MAGI2: variants seen among roughly 807,000 people sequenced by gnomAD.
MAGI2 encodes membrane-associated guanylate kinase, WW and PDZ domain-containing protein 2.
In MAGI2, 35 loss-of-function variants were observed where a neutral mutation model predicts 133.3. That is an observed-to-expected ratio of 0.26 (90% CI 0.20 to 0.35). The LOEUF is 0.35. Ranked by LOEUF, MAGI2 falls within the 10% of genes least tolerant of loss-of-function variation. The pLI, the probability that MAGI2 is intolerant of heterozygous loss-of-function variation, is 1.00. For synonymous variants in MAGI2, 729 were observed against 710.6 expected (o/e 1.03, Z -0.41); for missense variants, 1,636 against 1,863.4 (o/e 0.88, Z 2.25).
intron 2 of MAGI2, among the ~76,000 whole-genome samples, chr7:78,944,900 C>G (rs1358207759): frequency 6.6e-6 from 1 of 151,852 alleles, no homozygotes; most frequent in Non-Finnish European, 1.5e-5. Context: ...CTATGCCCAA[C>G]TAATTTCTGT....
intron 2 of MAGI2, among the ~76,000 whole-genome samples, chr7:78,681,297 C>A (rs1441858542): frequency 6.6e-6 from 1 of 152,036 alleles, no homozygotes; most frequent in African/African-American, 2.4e-5. Context: ...AGGGAAAAGT[C>A]AATACTTTTC....
chr7:79,453,093 C>T lies in MAGI2; in HGVS notation c.228G>A (p.Gly76=), dbSNP rs758794152. Residue 76 remains glycine (G), a synonymous_variant, in exon 1 of 22, where the codon GGG becomes GGA. Transcript: ENST00000354212. ...LLEVNETPVA[G]LTIRDVLAVI... Reference sequence around the variant, plus strand: ...CGGCCAGCACGTCCCTGATGGTGAGCCCCGCCACGGGGGTCTCGTTCACCT... The same window carrying T: ...CGGCCAGCACGTCCCTGATGGTGAGTCCCGCCACGGGGGTCTCGTTCACCT... 1 of 1,613,652 alleles carries T rather than the reference C, an allele frequency of 6.2e-7. No individual in the cohort carries two copies. Among genetic ancestry groups the T allele is most frequent in the South Asian group, 1.1e-5 (1 of 90,986 alleles).
intron 16 of MAGI2, among the ~76,000 whole-genome samples, chr7:78,135,983 G>C (rs1436897785): frequency 6.6e-6 from 1 of 152,064 alleles, no homozygotes; most frequent in Non-Finnish European, 1.5e-5. Context: ...AAGAAACACT[G>C]CTAACTAAAT....
At chr7:78,112,717 G>A (rs1819475714) in intron 20 of MAGI2, among the ~76,000 whole-genome samples, 1 of 152,170 alleles carries the variant, frequency 6.6e-6, no homozygotes, top group Non-Finnish European at 1.5e-5. Context: ...AGTGCCCCAG[G>A]TACACAGCCC....
chr7:78,279,070 A>G (rs1795311710), intron 9 of MAGI2, among the ~76,000 whole-genome samples: 1 of 152,184 alleles, frequency 6.6e-6, no homozygotes, highest in Non-Finnish European at 1.5e-5. Flanking sequence ...GGATTTTAAC[A>G]TATCAGAACT....
chr7:78,455,873 C>G (rs1192493079), intron 6 of MAGI2, among the ~76,000 whole-genome samples: 1 of 152,028 alleles, frequency 6.6e-6, no homozygotes, highest in Non-Finnish European at 1.5e-5. Flanking sequence ...AAAAGCTACC[C>G]ACATTTGCCC....
At position 78,739,896 on chromosome 7, in the gene MAGI2, C is replaced by T. The variant is rs553102718; in HGVS notation, c.419-112657G>A. On this transcript the variant is annotated intron_variant, in intron 2 of 21. Transcript: ENST00000354212. ...TAACCTGGCCAGGCGCGGTGGCTCA[C>T]GCCTGTAATCCCAGCACTTTGGGAG... Among the ~76,000 whole-genome samples the T allele has an allele frequency of 4.6e-5, 7 of 152,106 alleles. 1 individual carries two copies. The highest frequency in any genetic ancestry group is 8.8e-5 in the Non-Finnish European group (6 of 68,022).
chr7:79,171,770 A>ATATATTTTTTTTTTTTTT lies in MAGI2; in HGVS notation c.302-164565_302-164564insAAAAAAAAAAAAAATATA. 9.3e-4 allele frequency among the ~76,000 whole-genome samples: 29 copies of ATATATTTTTTTTTTTTTT among 31,218 alleles called. 1 individual carries two copies. The highest frequency in any genetic ancestry group is 1.2e-3 in the Non-Finnish European group (11 of 9,006). 20.5% of individuals were successfully genotyped at this position (31,218 alleles called of 152,430 possible). On this transcript the variant is annotated intron_variant, in intron 1 of 21. Coordinates refer to ENST00000354212, the MANE Select transcript of MAGI2 (RefSeq NM_012301.4). ...TATATATATATATATATATATATAT[A>ATATATTTTTTTTTTTTTT]TTTTTTTTTTTTTTTTCTTTTAAAG...
At chr7:79,384,366 GAAGAA>G (rs71752359) in intron 1 of MAGI2, among the ~76,000 whole-genome samples, 27,188 of 151,306 alleles carry the variant, frequency 0.18, 2,749 homozygotes, top group African/African-American at 0.27. Flanking sequence ...GAAAGCACCA[GAAGAA>G]AGTCTGTTCT....
intron 21 of MAGI2, among the ~76,000 whole-genome samples, chr7:78,076,167 C>T (rs1006460293): frequency 4.6e-5 from 7 of 152,204 alleles, no homozygotes; most frequent in Non-Finnish European, 8.8e-5. Flanking sequence ...CACTCAAAAG[C>T]GTGCCCAGGC....
chr7:79,025,336 T>C (rs961915983), intron 1 of MAGI2, among the ~76,000 whole-genome samples: 24 of 151,982 alleles, frequency 1.6e-4, no homozygotes, highest in African/African-American at 5.3e-4. Flanking sequence ...ACAACACACA[T>C]TGAGGCCTAC....
At chr7:78,582,973 T>C (rs1802999995) in intron 3 of MAGI2, among the ~76,000 whole-genome samples, 1 of 152,214 alleles carries the variant, frequency 6.6e-6, no homozygotes, top group African/African-American at 2.4e-5. Context: ...TACCCCTAAA[T>C]TAGTTGCTGC....
At chr7:79,381,414 G>A (rs538666093) in intron 1 of MAGI2, among the ~76,000 whole-genome samples, 2 of 151,744 alleles carry the variant, frequency 1.3e-5, no homozygotes, top group South Asian at 4.1e-4. Flanking sequence ...GTTTGCTTAT[G>A]TTTAGATTAT....
chr7:78,886,002 G>T (rs1796232400), intron 2 of MAGI2, among the ~76,000 whole-genome samples: 1 of 152,142 alleles, frequency 6.6e-6, no homozygotes, highest in Non-Finnish European at 1.5e-5. Context: ...ACTGCTGTAA[G>T]ACAGCAAAAA....
At chr7:78,170,157 T>C (rs1825980790) in intron 14 of MAGI2, 1 of 152,204 alleles carries the variant, frequency 6.6e-6, no homozygotes, top group Non-Finnish European at 1.5e-5. Flanking sequence ...TGGTTAATAA[T>C]CAATTTTAAG....
chr7:78,699,760 G>T (rs73380299), intron 2 of MAGI2, among the ~76,000 whole-genome samples: 2,245 of 152,072 alleles, frequency 0.015, 49 homozygotes, highest in African/African-American at 0.052. Context: ...TAACACTTTG[G>T]CATCTATTTG....
At chr7:79,205,029 G>C (rs59528290) in intron 1 of MAGI2, among the ~76,000 whole-genome samples, 1 of 151,760 alleles carries the variant, frequency 6.6e-6, no homozygotes, top group African/African-American at 2.4e-5. Flanking sequence ...TTCAGAAAGT[G>C]AAGAGAAAGA....
chr7:79,324,843 C>T (rs1253904767), intron 1 of MAGI2, among the ~76,000 whole-genome samples: 2 of 149,472 alleles, frequency 1.3e-5, no homozygotes, highest in African/African-American at 2.5e-5. Flanking sequence ...CAAGTCTACT[C>T]GTCCTTCAGA....
intron 21 of MAGI2, among the ~76,000 whole-genome samples, chr7:78,023,867 A>C (rs1405855572): frequency 1.3e-4 from 20 of 152,254 alleles, no homozygotes; most frequent in Non-Finnish European, 1.5e-5. Context: ...CAACGATTAA[A>C]GGTAATACAA....
Sources: allele counts gnomAD v4.1 joint callset (sites outside exome capture counted in the v4.1 genomes callset), GRCh38; gene constraint gnomAD v4.1.1; transcripts MANE v1.5; gene names NCBI Gene and HGNC (gene_info 2026-07-23, HGNC 2026-07-21).